The following A4GALT variants were observed in gnomAD, a reference collection of about 807,000 sequenced individuals.
The protein encoded by A4GALT is alpha 1,4-galactosyltransferase (P1PK blood group).
For synonymous variants in A4GALT, 257 were observed against 220.7 expected (o/e 1.16, Z -1.46); for missense variants, 512 against 486.0 (o/e 1.05, Z -0.50).
chr22:42,699,104 TTA>T (rs371695065), intron 1 of A4GALT, among the ~76,000 whole-genome samples: 2,674 of 151,946 alleles, frequency 0.018, 51 homozygotes, highest in African/African-American at 0.042. Flanking sequence ...TCTTTTTTTT[TTA>T]TGAGTCTTGC....
At chr22:42,697,652 A>T (rs1303040358) in intron 1 of A4GALT, among the ~76,000 whole-genome samples, 2 of 152,084 alleles carry the variant, frequency 1.3e-5, no homozygotes, top group Non-Finnish European at 2.9e-5. Context: ...CCAGGAATAG[A>T]AACTGTGTAT....
intron 1 of A4GALT, among the ~76,000 whole-genome samples, chr22:42,706,769 T>C (rs1173649157): frequency 6.7e-6 from 1 of 150,074 alleles, no homozygotes; most frequent in Non-Finnish European, 1.5e-5. Flanking sequence ...CACTCCAGCC[T>C]GGGTGATGGA....
At chr22:42,701,020 C>G (rs6002911) in intron 1 of A4GALT, among the ~76,000 whole-genome samples, 30 of 152,320 alleles carry the variant, frequency 2.0e-4, no homozygotes, top group African/African-American at 6.5e-4. Flanking sequence ...GAGAGCCTGC[C>G]ATCCCTGTCC....
intron 1 of A4GALT, among the ~76,000 whole-genome samples, chr22:42,707,273 G>T (rs1338697615): frequency 6.6e-6 from 1 of 152,038 alleles, no homozygotes; most frequent in Non-Finnish European, 1.5e-5. Flanking sequence ...AAAAATTTAT[G>T]ATTATGAAGC....
intron 1 of A4GALT, among the ~76,000 whole-genome samples, chr22:42,713,264 A>C (rs1921852021): frequency 6.6e-6 from 1 of 152,232 alleles, no homozygotes. Flanking sequence ...AGGGTGCAGA[A>C]GACCAAGTCA....
rs1055464630 is a variant in A4GALT at position 42,704,223 on chromosome 22, T to C, written c.-187-8592A>G. 1.6e-4 allele frequency among the ~76,000 whole-genome samples: 25 copies of C among 152,214 alleles called. 1 individual carries two copies. In the South Asian group the frequency reaches 4.6e-3, roughly 28 times the overall value. On this transcript the variant is annotated intron_variant, in intron 1 of 2. Coordinates refer to ENST00000642412, the MANE Select transcript of A4GALT (RefSeq NM_017436.7). ...TGTGCCCAGGCGCAGTGGCTCATGCTTGTAATCCCAGCACTTTGGGAGGCC... is the reference window on the plus strand; with the variant it reads ...TGTGCCCAGGCGCAGTGGCTCATGCCTGTAATCCCAGCACTTTGGGAGGCC...
rs779058273 is a variant in A4GALT at position 42,693,211 on chromosome 22, A to G, written c.741T>C (p.Gly247=). Reference sequence around the variant, plus strand: ...GCGTGAGCAGCTGCGGGCCCTGGTGACCCCAGATCCAGCCGTTGTAGTGGT... The same window carrying G: ...GCGTGAGCAGCTGCGGGCCCTGGTGGCCCCAGATCCAGCCGTTGTAGTGGT... ...FVDHYNGWIW[G]HQGPQLLTRV... Residue 247 remains glycine, a synonymous_variant, in exon 3 of 3, where the codon GGT becomes GGC. Coordinates refer to ENST00000642412, the MANE Select transcript of A4GALT (RefSeq NM_017436.7). 6 of 1,605,268 alleles carry G rather than the reference A, an allele frequency of 3.7e-6. No individual in the cohort carries two copies. The highest frequency in any genetic ancestry group is 5.1e-6 in the Non-Finnish European group (6 of 1,176,754).
chr22:42,709,617 C>A (rs1367461573), intron 1 of A4GALT, among the ~76,000 whole-genome samples: 1 of 151,810 alleles, frequency 6.6e-6, no homozygotes, highest in Non-Finnish European at 1.5e-5. Context: ...TGGCAAAAAC[C>A]CATCTCTACT....
chr22:42,698,129 TC>T (rs1931063176), intron 1 of A4GALT, among the ~76,000 whole-genome samples: 1 of 152,080 alleles, frequency 6.6e-6, no homozygotes, highest in South Asian at 2.1e-4. Flanking sequence ...ACGCCTGTAG[TC>T]TCAGCTACTC....
intron 1 of A4GALT, among the ~76,000 whole-genome samples, chr22:42,702,248 A>G (rs1307398626): frequency 6.6e-6 from 1 of 152,084 alleles, no homozygotes; most frequent in Non-Finnish European, 1.5e-5. Flanking sequence ...GGCCGGGCTC[A>G]CAGGACTGAA....
chr22:42,700,885 G>A (rs148001382), intron 1 of A4GALT, among the ~76,000 whole-genome samples: 2 of 152,328 alleles, frequency 1.3e-5, no homozygotes, highest in Admixed American at 6.5e-5. Flanking sequence ...AGAAGTCTCT[G>A]ATGGGGCTGG....
intron 1 of A4GALT, among the ~76,000 whole-genome samples, chr22:42,705,904 A>G (rs1473547339): frequency 8.2e-6 from 1 of 121,696 alleles, no homozygotes; most frequent in African/African-American, 2.6e-5. Context: ...AAATACGAAA[A>G]TTAGCCAGGC....
rs1216604559 is a variant in A4GALT at position 42,693,707 on chromosome 22, A to T, written c.245T>A (p.Leu82Gln). Reference sequence around the variant, plus strand: ...GGGGTTGGTCCGGTCTGAAGTCTCCAGGAAGAAGATGTTGCCTGGAGTGGG... The same window carrying T: ...GGGGTTGGTCCGGTCTGAAGTCTCCTGGAAGAAGATGTTGCCTGGAGTGGG... ...HGPTPGNIFF[L>Q]ETSDRTNPNF... is the part of the protein sequence containing the mutation. Residue 82 changes from leucine (L) to glutamine (Q), a missense_variant, in exon 3 of 3, where the codon CTG becomes CAG. Physicochemically the swap from Leu to Gln is moderately radical, Grantham distance 113 (BLOSUM62 -2). Coordinates refer to ENST00000642412, the MANE Select transcript of A4GALT (RefSeq NM_017436.7). The T allele has an allele frequency of 1.5e-6, 2 of 1,320,654 alleles. No homozygotes were observed. The highest frequency in any genetic ancestry group is 2.1e-4 in the Middle Eastern group (1 of 4,710). The allele number at this position is 1,320,654 out of a possible 1,614,324, so 81.8% of individuals were successfully genotyped here.
At chr22:42,702,278 G>A (rs554407638) in intron 1 of A4GALT, among the ~76,000 whole-genome samples, 4 of 151,580 alleles carry the variant, frequency 2.6e-5, no homozygotes, top group Admixed American at 6.6e-5. Flanking sequence ...ATGTGCAGCC[G>A]CTGTTGAGGA....
chr22:42,708,744 C>T (rs13055886), intron 1 of A4GALT, among the ~76,000 whole-genome samples: 104,278 of 151,856 alleles, frequency 0.69, 35,971 homozygotes, highest in East Asian at 0.84. Flanking sequence ...AACTAGGAAA[C>T]GCTAAATGGG....
Position 42,692,345 on chromosome 22 carries a change from A to C in A4GALT, c.*545T>G. ...CCCCCAAACGGCTCCCCAGGCTGGC[A>C]CTTCTGGGCCTCTGCCCCACTCAGT... is the stretch of plus-strand genomic sequence containing the variant. On this transcript the variant is annotated 3_prime_UTR_variant, in exon 3 of 3. Coordinates refer to ENST00000642412, the MANE Select transcript of A4GALT (RefSeq NM_017436.7). This position sits in a 1 kb window ranked among gnomAD's most constrained non-coding sequence, Gnocchi z 4.6. 1.5e-5 allele frequency: 4 copies of C among 261,076 alleles called. No individual in the cohort carries two copies. Among genetic ancestry groups the C allele is most frequent in the South Asian group, 4.0e-5 (1 of 24,818 alleles). 16.2% of individuals were successfully genotyped at this position (261,076 alleles called of 1,614,324 possible). A position where few individuals can be genotyped will look rare whatever the true frequency, so the allele number is the denominator to read the frequency against.
At position 42,693,603 on chromosome 22, in the gene A4GALT, G is replaced by A; in HGVS notation, c.349C>T (p.Leu117Phe). ...ESHVLVLMKG[L>F]PGGNASLPRH... ...GGCAGAGAGGCGTTGCCACCCGGAA[G>A]CCCTTTCATCAGGACCAGCACGTGG... The change falls in exon 3 of 3, where the codon CTT (leucine) becomes TTT (phenylalanine). Residue 117 changes from leucine (L) to phenylalanine (F), a missense_variant. By Grantham distance (22) the Leu-to-Phe change is conservative. Transcript: ENST00000642412. The A allele has an allele frequency of 6.2e-7, 1 of 1,613,778 alleles. No individual in the cohort carries two copies. Among genetic ancestry groups the A allele is most frequent in the Non-Finnish European group, 8.5e-7 (1 of 1,180,030 alleles).
intron 1 of A4GALT, among the ~76,000 whole-genome samples, chr22:42,716,327 G>A (rs1417310665): frequency 6.6e-6 from 1 of 152,190 alleles, no homozygotes; most frequent in African/African-American, 2.4e-5. Flanking sequence ...TTGCACTGCT[G>A]ACGGGGTGAG....
intron 1 of A4GALT, among the ~76,000 whole-genome samples, chr22:42,697,565 G>A (rs959258766): frequency 4.6e-5 from 7 of 152,116 alleles, no homozygotes; most frequent in Admixed American, 4.6e-4. Context: ...CCACTTGGAG[G>A]AGCAGGATAT....
Sources: allele counts gnomAD v4.1 joint callset (sites outside exome capture counted in the v4.1 genomes callset), GRCh38; gene constraint gnomAD v4.1.1; non-coding constraint Gnocchi (gnomAD v3.1); transcripts MANE v1.5; gene names NCBI Gene and HGNC (gene_info 2026-07-23, HGNC 2026-07-21).